Variants in MND1 observed in about 807,000 individuals in gnomAD.
The protein encoded by MND1 is meiotic nuclear division protein 1 homolog.
MND1 carries 28 observed loss-of-function variants against 35.1 expected under a neutral mutation model. The observed-to-expected ratio is 0.80, with a 90% confidence interval of 0.59 to 1.09. The LOEUF (loss-of-function observed/expected upper bound fraction) is 1.09. MND1 is among the 50% of genes least tolerant of loss of function. The pLI is 0.00. For synonymous variants in MND1, 69 were observed against 70.5 expected (o/e 0.98, Z 0.11); for missense variants, 213 against 239.6 (o/e 0.89, Z 0.73).
In MND1 at chr4:153,397,300, A is replaced by G; in HGVS notation, c.433A>G (p.Lys145Glu). 4 of 1,612,708 alleles carry G rather than the reference A, an allele frequency of 2.5e-6. No homozygotes were observed. The highest frequency in any genetic ancestry group is 3.4e-6 in the Non-Finnish European group (4 of 1,179,248). Residue 145 changes from lysine to glutamate, a missense_variant, in exon 6 of 8, where the codon AAA becomes GAA. Physicochemically the swap from Lys to Glu is moderately conservative, Grantham distance 56 (BLOSUM62 1). Coordinates refer to ENST00000240488, the MANE Select transcript of MND1 (RefSeq NM_032117.4). ...GCTAAAGGCAGAAGTAGAAAAATAC[A>G]AAGACTGTGATCCGCAAGTTGTGGA... ...EQLKAEVEKYKDCDPQVVEEI... is the reference protein window; with the variant it reads ...EQLKAEVEKYEDCDPQVVEEI...
At chr4:153,347,424 A>G (rs1773100591) in intron 1 of MND1, among the ~76,000 whole-genome samples, 1 of 152,172 alleles carries the variant, frequency 6.6e-6, no homozygotes, top group Admixed American at 6.5e-5. Context: ...GGAGTATGGT[A>G]GGTGTTGGGG....
intron 4 of MND1, among the ~76,000 whole-genome samples, chr4:153,386,190 TG>T (rs1322583582): frequency 1.3e-5 from 2 of 151,886 alleles, no homozygotes; most frequent in African/African-American, 4.8e-5. Context: ...TTTTTGTTTT[TG>T]TTTTTTTTTA....
chr4:153,363,877 A>G (rs1011040024), intron 4 of MND1, among the ~76,000 whole-genome samples: 5 of 152,176 alleles, frequency 3.3e-5, no homozygotes, highest in Non-Finnish European at 7.3e-5. Context: ...TTGTAATTGC[A>G]TGGTTAACAA....
chr4:153,349,471 A>T (rs1773158780), intron 1 of MND1, among the ~76,000 whole-genome samples: 1 of 151,946 alleles, frequency 6.6e-6, no homozygotes, highest in African/African-American at 2.4e-5. Context: ...CCATAACCTG[A>T]CCCCACACCT....
intron 4 of MND1, among the ~76,000 whole-genome samples, chr4:153,374,130 T>A (rs559574641): frequency 2.0e-5 from 3 of 152,148 alleles, no homozygotes; most frequent in African/African-American, 7.2e-5. Context: ...GCGGTTGTAG[T>A]GAGGATTAAG....
chr4:153,361,756 T>C (rs1432420432), intron 4 of MND1: 5 of 329,106 alleles, frequency 1.5e-5, no homozygotes, highest in Middle Eastern at 1.1e-3. Context: ...GAGAATGGCA[T>C]GAACCCGGGA....
At position 153,363,214 on chromosome 4, in the gene MND1, C is replaced by CT. The variant is rs56951052; in HGVS notation, c.276+4606dup. On this transcript the variant is annotated intron_variant, in intron 4 of 7. Coordinates refer to ENST00000240488, the MANE Select transcript of MND1 (RefSeq NM_032117.4). ...TCATTTCTGTCACCTGGGGATAGTT[C>CT]TTTTTTTTTTTTTTGAGATGGAGTT... Among the ~76,000 whole-genome samples, 273 of 141,052 alleles carry CT rather than the reference C, an allele frequency of 1.9e-3. 2 individuals are homozygous for CT. In the East Asian group the frequency reaches 0.032, roughly 17 times the overall value. 92.5% of individuals were successfully genotyped at this position (141,052 alleles called of 152,430 possible).
Position 153,358,570 on chromosome 4 carries a change from C to T in MND1, c.224C>T (p.Pro75Leu). ...ACTTCTAATTATTATTGGGCTTTTC[C>T]AAGTAAAGCTCTTCATGCAAGGAAA... Reference protein sequence around the residue: ...IGTSNYYWAFPSKALHARKHK... With the variant: ...IGTSNYYWAFLSKALHARKHK... The change falls in exon 4 of 8, where the codon CCA becomes CTA. Residue 75 changes from proline to leucine, a missense_variant. Coordinates refer to ENST00000240488, the MANE Select transcript of MND1 (RefSeq NM_032117.4). 1 of 1,613,374 alleles carries T rather than the reference C, an allele frequency of 6.2e-7. No individual in the cohort carries two copies. The highest frequency in any genetic ancestry group is 1.3e-5 in the African/African-American group (1 of 75,020).
intron 4 of MND1, among the ~76,000 whole-genome samples, chr4:153,391,731 C>CACACACACAT (rs1729041405): frequency 6.6e-6 from 1 of 151,436 alleles, no homozygotes. Flanking sequence ...CCATCATACA[C>CACACACACAT]ACACACACAC....
At chr4:153,385,521 G>A (rs979884348) in intron 4 of MND1, among the ~76,000 whole-genome samples, 1 of 152,000 alleles carries the variant, frequency 6.6e-6, no homozygotes, top group Non-Finnish European at 1.5e-5. Flanking sequence ...TTCAGGACCA[G>A]CCTGGTCAAC....
intron 4 of MND1, among the ~76,000 whole-genome samples, chr4:153,379,719 G>T (rs1258688201): frequency 6.6e-6 from 1 of 151,668 alleles, no homozygotes; most frequent in South Asian, 2.1e-4. Context: ...GCATGGTGAT[G>T]TGTGCCTGTA....
intron 3 of MND1, among the ~76,000 whole-genome samples, chr4:153,357,452 T>C (rs1050404706): frequency 1.3e-5 from 2 of 152,200 alleles, no homozygotes; most frequent in Admixed American, 6.5e-5. Context: ...TAACTACTGA[T>C]AGCCTGCTGT....
chr4:153,355,560 A>G, intron 2 of MND1, 94 bp from the exon 3 acceptor site: 5 of 723,306 alleles, frequency 6.9e-6, no homozygotes, highest in Non-Finnish European at 1.2e-5. Context: ...GTATACAACT[A>G]TTATGTACCC....
chr4:153,356,714 G>A (rs958531648), intron 3 of MND1, among the ~76,000 whole-genome samples: 1 of 151,836 alleles, frequency 6.6e-6, no homozygotes, highest in South Asian at 2.1e-4. Flanking sequence ...ATGTCTAATT[G>A]CTTTATTTTC....
At chr4:153,358,107 G>GT (rs1420274011) in intron 3 of MND1, among the ~76,000 whole-genome samples, 2 of 152,146 alleles carry the variant, frequency 1.3e-5, no homozygotes, top group Non-Finnish European at 2.9e-5. Flanking sequence ...ATGCACCAAA[G>GT]TAAGTATGGA....
intron 4 of MND1, among the ~76,000 whole-genome samples, chr4:153,378,861 G>A (rs933847561): frequency 6.6e-6 from 1 of 151,996 alleles, no homozygotes; most frequent in Non-Finnish European, 1.5e-5. Context: ...TTCTTATAAG[G>A]GACTTCAGTA....
chr4:153,389,881 T>A (rs1728972010), intron 4 of MND1, among the ~76,000 whole-genome samples: 1 of 152,174 alleles, frequency 6.6e-6, no homozygotes, highest in Non-Finnish European at 1.5e-5. Context: ...CTTGTTTAGT[T>A]CACTAATTCT....
chr4:153,410,489 T>G (rs1729651705), intron 7 of MND1, among the ~76,000 whole-genome samples: 1 of 152,168 alleles, frequency 6.6e-6, no homozygotes, highest in Non-Finnish European at 1.5e-5. Context: ...AACCGCCACC[T>G]TCACAACAAA....
chr4:153,380,968 C>T (rs567866817), intron 4 of MND1, among the ~76,000 whole-genome samples: 3 of 151,696 alleles, frequency 2.0e-5, no homozygotes, highest in East Asian at 3.9e-4. Flanking sequence ...GGTGCGATCT[C>T]GGCTCACTGC....
Sources: gnomAD v4.1 joint callset for allele counts (sites outside exome capture counted in the v4.1 genomes callset) on GRCh38, gnomAD v4.1.1 for gene constraint, MANE v1.5 for transcripts, NCBI Gene and HGNC (gene_info 2026-07-23, HGNC 2026-07-21) for gene names.